WASHC3: variants seen among roughly 807,000 people sequenced by gnomAD.
WASHC3 encodes WASH complex subunit CCDC53.
WASHC3 carries 24 observed loss-of-function variants against 26.1 expected under a neutral mutation model. The ratio of observed to expected loss-of-function variants is 0.92; its 90% CI spans 0.66 to 1.29. The LOEUF (loss-of-function observed/expected upper bound fraction) is 1.29. Among genes scored for constraint, WASHC3 ranks in the 50% most tolerant of loss-of-function variants. The pLI, the probability that WASHC3 is intolerant of heterozygous loss-of-function variation, is 0.00. For synonymous variants in WASHC3, 77 were observed against 75.7 expected, an observed-to-expected ratio of 1.02 and a Z score of -0.09; for missense variants, 214 against 229.6, an observed-to-expected ratio of 0.93 and a Z score of 0.44.
Position 102,039,976 on chromosome 12 carries a change from C to A in WASHC3, c.327G>T (p.Gln109His). ...GTAGTCCAGAGTCTTGTGTACTGTT[C>A]TGCTGTAGAGAGTATTTGGTGTAAA... ...HPEATSEQPQ[Q>H]NSTQDSGLQE... The change falls in exon 5 of 7, where the codon CAG becomes CAT. Residue 109 changes from glutamine to histidine, a missense_variant and splice_region_variant. Physicochemically the swap from Gln to His is conservative, Grantham distance 24. Transcript: ENST00000240079. 1 of 1,482,290 alleles carries A rather than the reference C, an allele frequency of 6.7e-7. No homozygotes were observed. The highest frequency in any genetic ancestry group is 1.2e-5 in the South Asian group (1 of 86,374). 91.8% of individuals were successfully genotyped at this position (1,482,290 alleles called of 1,614,324 possible). A position where few individuals can be genotyped will look rare whatever the true frequency, so the allele number is the denominator to read the frequency against.
intron 2 of WASHC3, among the ~76,000 whole-genome samples, chr12:102,055,844 A>G (rs892681777): frequency 2.0e-5 from 3 of 152,224 alleles, no homozygotes; most frequent in African/African-American, 7.2e-5. Flanking sequence ...GAGAATTTCC[A>G]TAAAATTCAA....
chr12:102,061,293 C>A lies in WASHC3; in HGVS notation c.105G>T (p.Val35=), dbSNP rs1304519192. 4 of 1,613,784 alleles carry A rather than the reference C, an allele frequency of 2.5e-6. No individual in the cohort carries two copies. Among genetic ancestry groups the A allele is most frequent in the Non-Finnish European group, 3.4e-6 (4 of 1,179,836 alleles). Residue 35 remains valine (V), a synonymous_variant, in exon 2 of 7, where the codon GTG becomes GTT. Transcript: ENST00000240079. The part of the protein sequence containing the change: ...RTVAFLNQFV[V]HTVQFLNRFS... ...AGCGGTTGAGGAACTGTACAGTGTG[C>A]ACCACAAATTGGTTTAGAAAAGCCA...
chr12:102,040,985 T>C (rs746351185), intron 4 of WASHC3, among the ~76,000 whole-genome samples: 4 of 151,908 alleles, frequency 2.6e-5, no homozygotes, highest in African/African-American at 4.8e-5. Flanking sequence ...ATTGAAGTTT[T>C]TCCTCAGATA....
intron 1 of WASHC3, 48 bp from the exon 2 acceptor site, chr12:102,061,394 A>G (rs757304347): frequency 1.6e-6 from 2 of 1,221,938 alleles, no homozygotes; most frequent in East Asian, 4.7e-5. Context: ...GAACGTACAC[A>G]GTGCAAATCT....
intron 6 of WASHC3, among the ~76,000 whole-genome samples, chr12:102,014,776 T>C (rs565490249): frequency 1.3e-5 from 2 of 152,308 alleles, no homozygotes; most frequent in South Asian, 4.2e-4. Flanking sequence ...ATCATCTTCC[T>C]CCCTTTTCAT....
intron 2 of WASHC3, among the ~76,000 whole-genome samples, chr12:102,057,542 G>A (rs199521401): frequency 6.6e-6 from 1 of 151,874 alleles, no homozygotes; most frequent in Non-Finnish European, 1.5e-5. Flanking sequence ...CCAAAAAATT[G>A]TTAGAACTAA....
At chr12:102,038,414 T>C (rs1877769021) in intron 5 of WASHC3, among the ~76,000 whole-genome samples, 2 of 152,332 alleles carry the variant, frequency 1.3e-5, no homozygotes, top group African/African-American at 4.8e-5. Flanking sequence ...TATCACCTAG[T>C]AGATTTTCCT....
chr12:102,047,584 T>G (rs1358291361), intron 2 of WASHC3, among the ~76,000 whole-genome samples: 3 of 152,200 alleles, frequency 2.0e-5, no homozygotes, highest in Non-Finnish European at 2.9e-5. Flanking sequence ...AGTGTATTCC[T>G]TAAAATCATA....
In WASHC3 at chr12:102,026,058, T is replaced by A. The variant is rs190715079; in HGVS notation, c.436-20A>T. 7.1e-7 allele frequency: 1 copy of A among 1,400,104 alleles called. No individual in the cohort carries two copies. The highest frequency in any genetic ancestry group is 1.3e-5 in the South Asian group (1 of 77,016). 86.7% of individuals were successfully genotyped at this position (1,400,104 alleles called of 1,614,324 possible). A position where few individuals can be genotyped will look rare whatever the true frequency, so the allele number is the denominator to read the frequency against. ...TACACCCTAAGCAAAGGATATAAGA[T>A]AATTTCATCATTAAAAATGTCTCCT... On this transcript the variant is annotated intron_variant, in intron 5 of 6. Coordinates refer to ENST00000240079, the MANE Select transcript of WASHC3 (RefSeq NM_016053.4).
At chr12:102,037,347 T>C (rs1877708052) in intron 5 of WASHC3, among the ~76,000 whole-genome samples, 1 of 152,158 alleles carries the variant, frequency 6.6e-6, no homozygotes, top group Non-Finnish European at 1.5e-5. Flanking sequence ...ACATAAAATA[T>C]GTAGAATGCT....
At position 102,023,904 on chromosome 12, in the gene WASHC3, A is replaced by C. The variant is rs374876689; in HGVS notation, c.500+2070T>G. 1.4e-3 allele frequency among the ~76,000 whole-genome samples: 208 copies of C among 152,224 alleles called. 1 individual carries two copies. The highest frequency in any genetic ancestry group is 4.8e-3 in the African/African-American group (198 of 41,544). ...ATTCATAGACAACGAAATACCCTCA[A>C]ACTGGCCAAGTGAGACACAAGGAAA... On this transcript the variant is annotated intron_variant, in intron 6 of 6. Coordinates refer to ENST00000240079, the MANE Select transcript of WASHC3 (RefSeq NM_016053.4).
At chr12:102,035,643 G>C (rs1253594269) in intron 5 of WASHC3, among the ~76,000 whole-genome samples, 1 of 150,060 alleles carries the variant, frequency 6.7e-6, no homozygotes, top group East Asian at 1.9e-4. Context: ...AGTGAAGAAG[G>C]AGAGATCATA....
At chr12:102,034,472 C>T (rs780211841) in intron 5 of WASHC3, among the ~76,000 whole-genome samples, 3 of 152,076 alleles carry the variant, frequency 2.0e-5, no homozygotes, top group Non-Finnish European at 4.4e-5. Flanking sequence ...ATATAGGAAA[C>T]ACAACTAGCT....
intron 5 of WASHC3, among the ~76,000 whole-genome samples, chr12:102,028,521 A>G (rs1376190510): frequency 6.6e-6 from 1 of 152,068 alleles, no homozygotes; most frequent in Non-Finnish European, 1.5e-5. Flanking sequence ...CTTTAGCATA[A>G]TCCACAGGAC....
intron 5 of WASHC3, among the ~76,000 whole-genome samples, chr12:102,027,272 G>A (rs1375058487): frequency 6.6e-6 from 1 of 152,072 alleles, no homozygotes; most frequent in Non-Finnish European, 1.5e-5. Context: ...CAAATACTTA[G>A]AAATATACAC....
At chr12:102,017,991 CA>C (rs1476901170) in intron 6 of WASHC3, among the ~76,000 whole-genome samples, 1 of 152,170 alleles carries the variant, frequency 6.6e-6, no homozygotes, top group East Asian at 1.9e-4. Context: ...CAGCTGCTGA[CA>C]ACCACTATTC....
At chr12:102,017,877 C>T (rs1285273998) in intron 6 of WASHC3, 5 of 353,248 alleles carry the variant, frequency 1.4e-5, no homozygotes, top group Non-Finnish European at 2.7e-5. Context: ...GTGTTTAGTA[C>T]ATTCACATTG....
At chr12:102,027,135 C>T (rs914394348) in intron 5 of WASHC3, among the ~76,000 whole-genome samples, 28 of 152,288 alleles carry the variant, frequency 1.8e-4, no homozygotes, top group Admixed American at 1.7e-3. Context: ...TCAAATTAGG[C>T]TATTTAGCAT....
At chr12:102,026,523 C>T (rs1037354183) in intron 5 of WASHC3, among the ~76,000 whole-genome samples, 6 of 152,154 alleles carry the variant, frequency 3.9e-5, no homozygotes, top group African/African-American at 1.4e-4. Flanking sequence ...AAAATCAAAT[C>T]TAATTCAAGA....
Sources: allele counts gnomAD v4.1 joint callset (sites outside exome capture counted in the v4.1 genomes callset), GRCh38; gene constraint gnomAD v4.1.1; transcripts MANE v1.5; gene names NCBI Gene and HGNC (gene_info 2026-07-23, HGNC 2026-07-21).